Variants in GRID1 observed in about 807,000 individuals in gnomAD.
GRID1 encodes the protein glutamate receptor ionotropic, delta-1.
GRID1 carries 28 observed loss-of-function variants against 98.0 expected under a neutral mutation model. The observed-to-expected ratio is 0.29, with a 90% CI of 0.21 to 0.39. The LOEUF is 0.39. Ranked by LOEUF, GRID1 falls within the 10% of genes least tolerant of loss-of-function variation. GRID1 has a pLI of 1.00. For missense variants in GRID1, 1,111 were observed against 1,340.5 expected, an observed-to-expected ratio of 0.83 and a Z score of 2.67; for synonymous variants, 553 against 538.5, an observed-to-expected ratio of 1.03 and a Z score of -0.37.
chr10:85,629,676 G>T (rs1464927660), intron 13 of GRID1, among the ~76,000 whole-genome samples: 2 of 152,192 alleles, frequency 1.3e-5, no homozygotes. Flanking sequence ...GAATAGAGCT[G>T]CTATAAACAT....
chr10:86,235,194 C>T (rs1394463464), intron 2 of GRID1, among the ~76,000 whole-genome samples: 1 of 152,202 alleles, frequency 6.6e-6, no homozygotes, highest in East Asian at 1.9e-4. Flanking sequence ...GTCCTCCACC[C>T]ACCACCAAAT....
Position 85,602,263 on chromosome 10 carries a change from G to A in GRID1, c.*10C>T, listed in dbSNP as rs754078338. 33 of 1,482,550 alleles carry A rather than the reference G, an allele frequency of 2.2e-5. No individual in the cohort carries two copies. Among genetic ancestry groups the A allele is most frequent in the Non-Finnish European group, 5.4e-6 (6 of 1,116,628 alleles). The allele number at this position is 1,482,550 out of a possible 1,614,324, so 91.8% of individuals were successfully genotyped here. A position where few individuals can be genotyped will look rare whatever the true frequency, so the allele number is the denominator to read the frequency against. On this transcript the variant is annotated 3_prime_UTR_variant, in exon 16 of 16. Coordinates refer to ENST00000327946, the MANE Select transcript of GRID1 (RefSeq NM_017551.3). ...GGGTGGGAGGGTGGGCAGGAGGGCAGGCGGCGCAGTCAGATGGAGGTCCCG... is the reference window on the plus strand; with the variant it reads ...GGGTGGGAGGGTGGGCAGGAGGGCAAGCGGCGCAGTCAGATGGAGGTCCCG...
At chr10:86,106,924 G>A (rs773093097) in intron 4 of GRID1, among the ~76,000 whole-genome samples, 1 of 152,144 alleles carries the variant, frequency 6.6e-6, no homozygotes, top group Non-Finnish European at 1.5e-5. Flanking sequence ...CAAGGAGGAG[G>A]TGAGGAGAGA....
Position 86,185,357 on chromosome 10 carries a change from T to C in GRID1, c.520+21007A>G, listed in dbSNP as rs555662231. ...AATGTTGCTAAACTCACTTGTTAAT[T>C]CTAGTATTTTTCTGTAGATCCCACT... On this transcript the variant is annotated intron_variant, in intron 3 of 15. Coordinates refer to ENST00000327946, the MANE Select transcript of GRID1 (RefSeq NM_017551.3). Among the ~76,000 whole-genome samples the C allele has an allele frequency of 2.0e-5, 3 of 152,274 alleles. No individual in the cohort carries two copies. In the East Asian group the frequency reaches 5.8e-4, roughly 29 times the overall value.
chr10:85,996,959 T>TA (rs2131872037), intron 4 of GRID1, among the ~76,000 whole-genome samples: 1 of 151,536 alleles, frequency 6.6e-6, no homozygotes, highest in East Asian at 1.9e-4. Context: ...CCAAACAGAA[T>TA]AAAACTAAAG....
chr10:85,951,776 C>T (rs1842128738), intron 4 of GRID1, among the ~76,000 whole-genome samples: 3 of 152,312 alleles, frequency 2.0e-5, no homozygotes, highest in East Asian at 1.9e-4. Flanking sequence ...TAAAGGCTCA[C>T]GTTCACAACC....
chr10:85,820,745 A>T (rs192532663), intron 8 of GRID1, among the ~76,000 whole-genome samples: 28 of 152,322 alleles, frequency 1.8e-4, no homozygotes, highest in Non-Finnish European at 3.8e-4. Context: ...ATGGCTAAAA[A>T]TTTTTAAACT....
intron 2 of GRID1, among the ~76,000 whole-genome samples, chr10:86,249,774 C>T (rs1347519986): frequency 1.3e-5 from 2 of 152,240 alleles, no homozygotes; most frequent in Non-Finnish European, 2.9e-5. Flanking sequence ...CACTGGGCCT[C>T]CAGGTCCTCT....
chr10:85,940,474 G>T (rs948588158), intron 4 of GRID1, among the ~76,000 whole-genome samples: 7 of 152,200 alleles, frequency 4.6e-5, no homozygotes, highest in African/African-American at 1.7e-4. Context: ...AATAAATGCA[G>T]ATTCCAGGGT....
At chr10:85,705,342 A>T (rs1294195805) in intron 12 of GRID1, among the ~76,000 whole-genome samples, 1 of 152,220 alleles carries the variant, frequency 6.6e-6, no homozygotes, top group Admixed American at 6.5e-5. Flanking sequence ...CTACACAAAT[A>T]AACTAGAAAA....
chr10:85,639,301 G>A (rs1361576275), intron 13 of GRID1, among the ~76,000 whole-genome samples: 1 of 152,152 alleles, frequency 6.6e-6, no homozygotes, highest in African/African-American at 2.4e-5. Flanking sequence ...ATTTTGTTGG[G>A]TGAAAGAATG....
At chr10:86,047,725 T>C (rs1014961054) in intron 4 of GRID1, among the ~76,000 whole-genome samples, 3 of 152,068 alleles carry the variant, frequency 2.0e-5, no homozygotes, top group African/African-American at 7.3e-5. Context: ...GCAGAAGCAC[T>C]CAGAGATGTG....
rs928553531 is a variant in GRID1, at chr10:85,599,605, AG to A, written c.*2667del. Reference sequence around the variant, plus strand: ...GCTGATTATTATTTGCAGTGTCTGAAGGCACAAAATATACCTAAAATGTATG... The same window carrying A: ...GCTGATTATTATTTGCAGTGTCTGAAGCACAAAATATACCTAAAATGTATG... On this transcript the variant is annotated 3_prime_UTR_variant, in exon 16 of 16. Coordinates refer to ENST00000327946, the MANE Select transcript of GRID1 (RefSeq NM_017551.3). 6.6e-6 allele frequency: 1 copy of A among 152,200 alleles called. No individual in the cohort carries two copies. The highest frequency in any genetic ancestry group is 2.4e-5 in the African/African-American group (1 of 41,242). The allele number at this position is 152,200 out of a possible 1,614,324, so 9.4% of individuals were successfully genotyped here. A position where few individuals can be genotyped will look rare whatever the true frequency, so the allele number is the denominator to read the frequency against.
At chr10:85,739,016 G>T (rs1471850159) in intron 8 of GRID1, among the ~76,000 whole-genome samples, 3 of 151,868 alleles carry the variant, frequency 2.0e-5, no homozygotes, top group Non-Finnish European at 4.4e-5. Context: ...AAACCATATG[G>T]TTTATTTAGA....
intron 4 of GRID1, among the ~76,000 whole-genome samples, chr10:86,113,623 G>A (rs963560847): frequency 6.6e-6 from 1 of 152,182 alleles, no homozygotes; most frequent in Non-Finnish European, 1.5e-5. Flanking sequence ...TTCCATAGGT[G>A]TGGTGGCCTC....
At chr10:85,610,159 A>G (rs557851399) in intron 15 of GRID1, among the ~76,000 whole-genome samples, 1 of 152,346 alleles carries the variant, frequency 6.6e-6, no homozygotes, top group African/African-American at 2.4e-5. Flanking sequence ...ACTCTCACCT[A>G]ATTGCAAATG....
chr10:85,867,000 G>C (rs1053745686), intron 6 of GRID1, among the ~76,000 whole-genome samples: 5 of 152,126 alleles, frequency 3.3e-5, no homozygotes. Flanking sequence ...CCACATATCT[G>C]GGAGCTGTGC....
chr10:85,747,014 A>G (rs1842003631), intron 8 of GRID1, among the ~76,000 whole-genome samples: 1 of 152,144 alleles, frequency 6.6e-6, no homozygotes, highest in Non-Finnish European at 1.5e-5. Context: ...GAACTTGTTT[A>G]CATTCAACAA....
intron 3 of GRID1, among the ~76,000 whole-genome samples, chr10:86,168,726 A>G (rs976874646): frequency 4.6e-5 from 7 of 152,062 alleles, no homozygotes; most frequent in South Asian, 2.1e-4. Context: ...ACATAGAAAT[A>G]CCCAGTCACA....
Sources: allele counts gnomAD v4.1 joint callset (sites outside exome capture counted in the v4.1 genomes callset), GRCh38; gene constraint gnomAD v4.1.1; transcripts MANE v1.5; gene names NCBI Gene and HGNC (gene_info 2026-07-23, HGNC 2026-07-21).